PPL: variants seen among roughly 807,000 people sequenced by gnomAD.
PPL encodes 190 kDa paraneoplastic pemphigus antigen.
Under a neutral mutation model 194.4 loss-of-function variants are expected in PPL, and 198 were observed. The observed-to-expected ratio is 1.02, with a 90% CI of 0.91 to 1.15. The LOEUF (loss-of-function observed/expected upper bound fraction) is 1.15, where lower values mean the gene tolerates loss of function less well. Ranked by LOEUF, PPL falls within the 50% of genes most tolerant of loss-of-function variation. The pLI, the probability that PPL is intolerant of heterozygous loss-of-function variation, is 0.00. For synonymous variants in PPL, 1,220 were observed against 972.4 expected (o/e 1.25, Z -4.74); for missense variants, 2,885 against 2,294.8 (o/e 1.26, Z -5.25).
At chr16:4,892,952 G>A (rs2088347651) in intron 14 of PPL, 4 of 443,802 alleles carry the variant, frequency 9.0e-6, no homozygotes, top group Non-Finnish European at 1.2e-5. Context: ...GAATTCCACA[G>A]CCCATGTGCC....
At chr16:4,932,554 C>T (rs970996582) in intron 1 of PPL, among the ~76,000 whole-genome samples, 2 of 151,888 alleles carry the variant, frequency 1.3e-5, no homozygotes, top group Admixed American at 1.3e-4. Flanking sequence ...GCTGGGATTA[C>T]AGGTTTCCGC....
Position 4,893,272 on chromosome 16 carries a change from G to C in PPL, c.1591C>G (p.Pro531Ala), listed in dbSNP as rs779503542. ...QEKAITGILR[P>A]PLEQGRAVQD... is the part of the protein sequence containing the mutation. ...ACAGCCCGGCCTTGCTCCAGTGGTGGCCGCAGGATCCCTGTGATGGCCTTC... is the reference window on the plus strand; with the variant it reads ...ACAGCCCGGCCTTGCTCCAGTGGTGCCCGCAGGATCCCTGTGATGGCCTTC... The change falls in exon 14 of 22, where the codon CCA (proline) becomes GCA (alanine). Residue 531 changes from proline (P) to alanine (A), a missense_variant. Coordinates refer to ENST00000345988, the MANE Select transcript of PPL (RefSeq NM_002705.5). 56 of 1,599,136 alleles carry C rather than the reference G, an allele frequency of 3.5e-5. 2 individuals are homozygous for C. In the Middle Eastern group the frequency reaches 9.6e-4, roughly 27 times the overall value.
intron 12 of PPL, chr16:4,893,872 C>A: frequency 3.5e-6 from 2 of 563,840 alleles, no homozygotes; most frequent in Non-Finnish European, 6.3e-6. Context: ...ATTGTCTGTC[C>A]AATAATCACC....
intron 19 of PPL, 195 bp downstream of exon 19, chr16:4,888,783 C>CT: frequency 1.6e-6 from 1 of 609,878 alleles, no homozygotes; most frequent in Non-Finnish European, 3.0e-6. Context: ...GTATAAAACC[C>CT]TTTTACAGCA....
At chr16:4,924,212 T>C (rs891522937) in intron 1 of PPL, among the ~76,000 whole-genome samples, 1 of 152,226 alleles carries the variant, frequency 6.6e-6, no homozygotes, top group African/African-American at 2.4e-5. Context: ...CGAATTTTTT[T>C]CTATTTTATT....
At chr16:4,889,128 A>G (rs2088267870) in intron 18 of PPL, 67 bp from the exon 19 acceptor site, 1 of 1,215,616 alleles carries the variant, frequency 8.2e-7, no homozygotes, top group Non-Finnish European at 1.2e-6. Context: ...CCATGGATGC[A>G]GTAGCTGGAA....
chr16:4,913,055 G>C (rs975169265), intron 1 of PPL, among the ~76,000 whole-genome samples: 3 of 151,806 alleles, frequency 2.0e-5, no homozygotes, highest in Non-Finnish European at 4.4e-5. Context: ...AGTGAGCTGA[G>C]ATTGCACCAC....
intron 2 of PPL, among the ~76,000 whole-genome samples, chr16:4,906,295 G>A (rs1159052012): frequency 6.6e-6 from 1 of 152,134 alleles, no homozygotes; most frequent in African/African-American, 2.4e-5. Flanking sequence ...CACGATCTCG[G>A]CTCACTGCAA....
chr16:4,928,501 C>G (rs1378842456), intron 1 of PPL, among the ~76,000 whole-genome samples: 1 of 152,252 alleles, frequency 6.6e-6, no homozygotes, highest in Non-Finnish European at 1.5e-5. Context: ...CTGGCTGAGC[C>G]TGCAAGGCCG....
Position 4,885,586 on chromosome 16 carries a change from C to T in PPL, c.3069G>A (p.Gln1023=), listed in dbSNP as rs746918949. Reference sequence around the variant, plus strand: ...GCACCTCTGCCTCCCGGGCGCCCTTCTGCCGCCTCAGTGCCTCCAGCTCCT... The same window carrying T: ...GCACCTCTGCCTCCCGGGCGCCCTTTTGCCGCCTCAGTGCCTCCAGCTCCT... ...LREELEALRR[Q]KGAREAEVLL... The change falls in exon 22 of 22, where the codon CAG becomes CAA. Residue 1023 remains glutamine (Q), a synonymous_variant. Transcript: ENST00000345988. The surrounding 1 kb of genome is among the most constrained non-coding windows in gnomAD (Gnocchi z 6.3). The T allele has an allele frequency of 2.5e-6, 4 of 1,612,082 alleles. No homozygotes were observed. In the East Asian group the frequency reaches 6.7e-5, roughly 27 times the overall value.
At chr16:4,900,737 T>C in intron 6 of PPL, 93 bp downstream of exon 6, 35 of 1,557,630 alleles carry the variant, frequency 2.2e-5, no homozygotes, top group Non-Finnish European at 3.1e-5. Flanking sequence ...GCTGCCTATG[T>C]CATTTTTAAA....
intron 16 of PPL, chr16:4,891,572 C>A: frequency 2.1e-6 from 1 of 471,568 alleles, no homozygotes; most frequent in East Asian, 3.5e-5. Context: ...TGCCACTACA[C>A]TGGCTATTGC....
Position 4,887,121 on chromosome 16 carries a change from C to G in PPL, c.2607+14G>C, listed in dbSNP as rs369553571. Reference sequence around the variant, plus strand: ...GAACAGCCTGAAGTAGAATTTCTTACTAAGATCAGTTACCTGTCTGAGGAG... The same window carrying G: ...GAACAGCCTGAAGTAGAATTTCTTAGTAAGATCAGTTACCTGTCTGAGGAG... On this transcript the variant is annotated intron_variant, in intron 21 of 21. Coordinates refer to ENST00000345988, the MANE Select transcript of PPL (RefSeq NM_002705.5). 6.3e-7 allele frequency: 1 copy of G among 1,592,820 alleles called. No homozygotes were observed. Among genetic ancestry groups the G allele is most frequent in the Non-Finnish European group, 8.6e-7 (1 of 1,160,664 alleles).
Position 4,883,433 on chromosome 16 carries a change from T to G in PPL, c.5222A>C (p.Lys1741Thr), listed in dbSNP as rs1205588004. 6.2e-7 allele frequency: 1 copy of G among 1,614,178 alleles called. No individual in the cohort carries two copies. Among genetic ancestry groups the G allele is most frequent in the Non-Finnish European group, 8.5e-7 (1 of 1,180,030 alleles). ...CGCCAGCTCCTGGATGGACATATCC[T>G]TGTTGACATAGCGGTCATACTGAGC... ...TPAQYDRYVNKDMSIQELAVL... is the reference protein window; with the variant it reads ...TPAQYDRYVNTDMSIQELAVL... Residue 1741 changes from lysine (K) to threonine (T), a missense_variant, in exon 22 of 22, where the codon AAG becomes ACG. Lys to Thr is a moderately conservative substitution (Grantham distance 78). Transcript: ENST00000345988. This position sits in a 1 kb window ranked among gnomAD's most constrained non-coding sequence, Gnocchi z 4.8.
chr16:4,932,780 T>G (rs2089241088), intron 1 of PPL, among the ~76,000 whole-genome samples: 1 of 152,080 alleles, frequency 6.6e-6, no homozygotes, highest in Admixed American at 6.6e-5. Flanking sequence ...TGCCGGGCAC[T>G]CGCTCTGAAC....
chr16:4,918,247 T>G (rs975324540), intron 1 of PPL, among the ~76,000 whole-genome samples: 5 of 150,418 alleles, frequency 3.3e-5, no homozygotes, highest in Non-Finnish European at 5.9e-5. Context: ...GAGCCGAGAT[T>G]GCACCACTAC....
intron 2 of PPL, among the ~76,000 whole-genome samples, chr16:4,904,399 C>T (rs772292657): frequency 2.0e-4 from 31 of 152,266 alleles, no homozygotes; most frequent in South Asian, 4.1e-4. Context: ...GCAAGGCCAC[C>T]AGGAAGGCCA....
intron 21 of PPL, 138 bp downstream of exon 21, chr16:4,886,997 G>A (rs1264907329): frequency 1.4e-6 from 1 of 725,100 alleles, no homozygotes; most frequent in African/African-American, 1.7e-5. Flanking sequence ...GCTCGGGCCA[G>A]TCTTTGCATT....
At position 4,895,389 on chromosome 16, in the gene PPL, C is replaced by A. The variant is rs2088406252; in HGVS notation, c.1114G>T (p.Asp372Tyr). 2 of 1,613,364 alleles carry A rather than the reference C, an allele frequency of 1.2e-6. No homozygotes were observed. The change falls in exon 11 of 22, where the codon GAC (aspartate) becomes TAC (tyrosine). Residue 372 changes from aspartate (D) to tyrosine (Y), a missense_variant. Asp to Tyr is a radical substitution (Grantham distance 160). Transcript: ENST00000345988. ...RELDDQEKVL[D>Y]KYEDVVQGLQ... is the part of the protein sequence containing the mutation. ...CCCTGCACCACGTCCTCATACTTGT[C>A]CAGCACCTTCTCCTGGTCCTGGAGA...
Sources: gnomAD v4.1 joint callset for allele counts (sites outside exome capture counted in the v4.1 genomes callset) on GRCh38, gnomAD v4.1.1 for gene constraint, Gnocchi (gnomAD v3.1) non-coding constraint, MANE v1.5 for transcripts, NCBI Gene and HGNC (gene_info 2026-07-23, HGNC 2026-07-21) for gene names.